PER2: variants seen among roughly 807,000 people sequenced by gnomAD.
PER2 encodes the protein period circadian regulator 2.
Under a neutral mutation model 121.0 loss-of-function variants are expected in PER2, and 66 were observed. The ratio of observed to expected loss-of-function variants is 0.55; its 90% CI spans 0.45 to 0.67. The LOEUF (loss-of-function observed/expected upper bound fraction) is 0.67. Among genes scored for constraint, PER2 ranks in the 30% least tolerant of loss-of-function variants. The pLI, the probability that PER2 is intolerant of heterozygous loss-of-function variation, is 0.00. For synonymous variants in PER2, 684 were observed against 659.9 expected (o/e 1.04, Z -0.56); for missense variants, 1,521 against 1,635.0 (o/e 0.93, Z 1.20).
rs1231480765 is a variant in PER2, at chr2:238,277,764, C to G, written c.173G>C (p.Cys58Ser). ...STGRDSQGSD[C>S]DDSGKELGML... Reference sequence around the variant, plus strand: ...CCCCAGCTCCTTCCCACTGTCGTCACAGTCACTGCCCTGCGAGTCCCGCCC... The same window carrying G: ...CCCCAGCTCCTTCCCACTGTCGTCAGAGTCACTGCCCTGCGAGTCCCGCCC... The change falls in exon 2 of 23, where the codon TGT becomes TCT. Residue 58 changes from cysteine (C) to serine (S), a missense_variant. Transcript: ENST00000254657. 3.7e-6 allele frequency: 6 copies of G among 1,614,092 alleles called. No homozygotes were observed. The highest frequency in any genetic ancestry group is 4.2e-6 in the Non-Finnish European group (5 of 1,180,036).
chr2:238,285,640 A>G (rs184779271), intron 1 of PER2, among the ~76,000 whole-genome samples: 55 of 147,934 alleles, frequency 3.7e-4, no homozygotes, highest in Non-Finnish European at 1.4e-4. Context: ...TCACAGCTTG[A>G]TGTATATCCA....
At position 238,262,302 on chromosome 2, in the gene PER2, C is replaced by G. The variant is rs767600437; in HGVS notation, c.1196G>C (p.Arg399Pro). Residue 399 changes from arginine to proline, a missense_variant, in exon 11 of 23, where the codon CGG (arginine) becomes CCG (proline). By Grantham distance (103) the Arg-to-Pro change is moderately radical. Coordinates refer to ENST00000254657, the MANE Select transcript of PER2 (RefSeq NM_022817.3). ...GGQPFDYSPI[R>P]FRARNGEYIT... ...GTACTCTCCGTTCCGGGCGCGAAAC[C>G]GAATGGGAGAATAGTCGAAAGGCTG... 1 of 1,613,814 alleles carries G rather than the reference C, an allele frequency of 6.2e-7. No homozygotes were observed. Among genetic ancestry groups the G allele is most frequent in the African/African-American group, 1.3e-5 (1 of 74,848 alleles).
intron 16 of PER2, 118 bp from the exon 17 acceptor site, chr2:238,257,204 C>A: frequency 1.3e-6 from 1 of 797,414 alleles, no homozygotes. Context: ...CAACCCATCC[C>A]ATCCCATCCC....
At chr2:238,266,129 T>C (rs761370478) in intron 8 of PER2, among the ~76,000 whole-genome samples, 31 of 152,002 alleles carry the variant, frequency 2.0e-4, no homozygotes, top group South Asian at 6.2e-4. Flanking sequence ...GGTCTCGATC[T>C]CCTGACCTCG....
intron 1 of PER2, among the ~76,000 whole-genome samples, chr2:238,284,456 AAGAG>A (rs942704196): frequency 1.2e-4 from 18 of 151,942 alleles, no homozygotes; most frequent in African/African-American, 3.1e-4. Context: ...AAAAAAAAAA[AAGAG>A]AGAGAAAACG....
At chr2:238,280,268 A>G (rs1168226269) in intron 1 of PER2, among the ~76,000 whole-genome samples, 1 of 152,206 alleles carries the variant, frequency 6.6e-6, no homozygotes, top group East Asian at 1.9e-4. Flanking sequence ...TTCGCCGGTG[A>G]GCCACTCCAG....
chr2:238,294,035 G>T (rs1371136409), upstream of PER2, among the ~76,000 whole-genome samples: 1 of 152,194 alleles, frequency 6.6e-6, no homozygotes, highest in Non-Finnish European at 1.5e-5. Flanking sequence ...TGCCCTGTCT[G>T]AGCTGATCCC....
chr2:238,298,126 C>T, the PER2 span, among the ~76,000 whole-genome samples: 1 of 151,758 alleles, frequency 6.6e-6, no homozygotes. Flanking sequence ...GCTCCGCCTC[C>T]CGGGTTCACC....
the PER2 span, chr2:238,295,906 G>T: frequency 4.5e-6 from 1 of 222,048 alleles, no homozygotes. Context: ...CACACCCGGG[G>T]AACTCTTTGC....
intron 16 of PER2, among the ~76,000 whole-genome samples, chr2:238,257,989 G>C (rs1038472575): frequency 6.6e-6 from 1 of 152,116 alleles, no homozygotes; most frequent in Non-Finnish European, 1.5e-5. Flanking sequence ...GTGGCCGCAT[G>C]AAGGGGACCA....
chr2:238,285,650 A>C (rs1423477752), intron 1 of PER2, among the ~76,000 whole-genome samples: 2 of 142,408 alleles, frequency 1.4e-5, no homozygotes, highest in Non-Finnish European at 3.2e-5. Flanking sequence ...ATGTATATCC[A>C]CAAACAACAT....
In PER2 at chr2:238,249,056, G is replaced by T. The variant is rs1433657987; in HGVS notation, c.3618+6C>A. On this transcript the variant is annotated splice_donor_region_variant and intron_variant, in intron 22 of 22. Transcript: ENST00000254657. ...CCATATCAGAAATCGAGTCCCGTGA[G>T]CTTACTGCCACGTCGATGGCTGCGG... 1 of 1,613,914 alleles carries T rather than the reference G, an allele frequency of 6.2e-7. No homozygotes were observed. The highest frequency in any genetic ancestry group is 2.2e-5 in the East Asian group (1 of 44,884).
chr2:238,291,069 G>A (rs539457904), upstream of PER2, among the ~76,000 whole-genome samples: 3 of 152,358 alleles, frequency 2.0e-5, no homozygotes, highest in South Asian at 2.1e-4. Context: ...CCTCCAGCAC[G>A]GAGCTCAGAG....
chr2:238,276,147 T>C (rs1032087093), intron 3 of PER2, among the ~76,000 whole-genome samples: 8 of 148,490 alleles, frequency 5.4e-5, no homozygotes, highest in Non-Finnish European at 8.9e-5. Context: ...TGGCCCTTTG[T>C]GGGGCTCTGT....
intron 19 of PER2, 21 bp from the exon 20 acceptor site, chr2:238,251,782 T>A (rs772051810): frequency 7.8e-6 from 12 of 1,542,216 alleles, no homozygotes; most frequent in Non-Finnish European, 1.1e-5. Flanking sequence ...AGGAAGCAGA[T>A]ACTGCTGTTC....
rs767909448 is a variant in PER2 at position 238,275,915 on chromosome 2, G to A, written c.294-18C>T. ...GGTCGCTACTGCAGGATTCAAGAAA[G>A]AGGCAGCCAAATGTTAGCTTCCTAG... is the stretch of plus-strand genomic sequence containing the variant. On this transcript the variant is annotated intron_variant, in intron 3 of 22. Transcript: ENST00000254657. The A allele has an allele frequency of 1.2e-6, 2 of 1,614,204 alleles. No homozygotes were observed. Among genetic ancestry groups the A allele is most frequent in the South Asian group, 1.1e-5 (1 of 91,084 alleles).
chr2:238,275,718 G>A (rs757364508), intron 4 of PER2, 25 bp downstream of exon 4: 2 of 1,608,706 alleles, frequency 1.2e-6, no homozygotes, highest in South Asian at 1.1e-5. Context: ...TATAGGTTTG[G>A]AGCAGATGTG....
At chr2:238,289,253 C>A (rs770143113), upstream of PER2, 35 of 152,332 alleles carry the variant, frequency 2.3e-4, no homozygotes, top group Admixed American at 4.6e-4. Context: ...GCGGGAAAGT[C>A]CGCGCGGCAT....
chr2:238,277,558 A>G, intron 2 of PER2, 149 bp downstream of exon 2: 4 of 939,266 alleles, frequency 4.3e-6, no homozygotes, highest in Non-Finnish European at 6.4e-6. Flanking sequence ...GAGGAAGGAC[A>G]GACACTGGCA....
Sources: allele counts gnomAD v4.1 joint callset (sites outside exome capture counted in the v4.1 genomes callset), GRCh38; gene constraint gnomAD v4.1.1; transcripts MANE v1.5; gene names NCBI Gene and HGNC (gene_info 2026-07-23, HGNC 2026-07-21).